OPCML: variants seen among roughly 807,000 people sequenced by gnomAD.
OPCML encodes opioid binding protein/cell adhesion molecule like, also known as opioid-binding protein/cell adhesion molecule.
A neutral mutation model predicts 37.8 loss-of-function variants in OPCML; 13 were observed. The ratio of observed to expected loss-of-function variants is 0.34; its 90% CI spans 0.22 to 0.55. OPCML has a LOEUF of 0.55. Among genes scored for constraint, OPCML ranks in the 20% least tolerant of loss-of-function variants. The pLI is 0.91. For synonymous variants in OPCML, 176 were observed against 168.8 expected (o/e 1.04, Z -0.33); for missense variants, 341 against 435.6 (o/e 0.78, Z 1.93).
chr11:132,808,271 T>C (rs530669402), intron 2 of OPCML, among the ~76,000 whole-genome samples: 3 of 152,190 alleles, frequency 2.0e-5, no homozygotes, highest in Middle Eastern at 3.4e-3. Flanking sequence ...TATAGCACGG[T>C]GGGAATGTAA....
chr11:133,241,776 G>T (rs542699396), intron 1 of OPCML, among the ~76,000 whole-genome samples: 1 of 152,162 alleles, frequency 6.6e-6, no homozygotes, highest in East Asian at 1.9e-4. Flanking sequence ...CATCTCCCAT[G>T]GTTCACCACC....
intron 1 of OPCML, among the ~76,000 whole-genome samples, chr11:133,195,064 C>T (rs893709775): frequency 6.6e-6 from 1 of 152,172 alleles, no homozygotes; most frequent in African/African-American, 2.4e-5. Flanking sequence ...TAAATCTGTG[C>T]AATTTTCTCC....
chr11:132,651,287 G>C (rs1033559941), intron 3 of OPCML, among the ~76,000 whole-genome samples: 10 of 152,132 alleles, frequency 6.6e-5, no homozygotes, highest in Non-Finnish European at 1.5e-5. Flanking sequence ...AGTGTAACTC[G>C]GACAAATCAC....
chr11:132,966,270 T>A (rs1946212486), intron 1 of OPCML, among the ~76,000 whole-genome samples: 1 of 152,156 alleles, frequency 6.6e-6, no homozygotes, highest in Non-Finnish European at 1.5e-5. Flanking sequence ...CTAATTACCC[T>A]TGTGATTGTT....
chr11:132,921,304 G>A (rs61909260), intron 2 of OPCML, among the ~76,000 whole-genome samples: 36,666 of 152,118 alleles, frequency 0.24, 7,385 homozygotes, highest in African/African-American at 0.55. Context: ...TGAATGCAAT[G>A]GACGTGCGTT....
At position 132,452,556 on chromosome 11, in the gene OPCML, T is replaced by C. The variant is rs971882959; in HGVS notation, c.506-15197A>G. Among the ~76,000 whole-genome samples, 41 of 146,804 alleles carry C rather than the reference T, an allele frequency of 2.8e-4. No homozygotes were observed. In the South Asian group the frequency reaches 9.1e-3, roughly 33 times the overall value. On this transcript the variant is annotated intron_variant, in intron 4 of 7. Coordinates refer to ENST00000524381, the MANE Select transcript of OPCML (RefSeq NM_001012393.5). The stretch of plus-strand genomic sequence containing the variant: ...GCCTGCCTGCCTGCCTGCCTTCCTT[T>C]TTTCCTTCCTTCCTGCCTGCCTTCC...
At chr11:132,661,503 G>T (rs571829462) in intron 2 of OPCML, among the ~76,000 whole-genome samples, 171 of 152,272 alleles carry the variant, frequency 1.1e-3, no homozygotes, top group Non-Finnish European at 2.2e-3. Flanking sequence ...TGGCTTGAGT[G>T]CTCTTCTAAA....
intron 1 of OPCML, among the ~76,000 whole-genome samples, chr11:133,099,974 G>C (rs775147233): frequency 7.9e-5 from 12 of 152,136 alleles, no homozygotes; most frequent in Non-Finnish European, 1.6e-4. Flanking sequence ...TATATACCAT[G>C]GAATACTATG....
At chr11:132,900,975 C>T (rs1319749481) in intron 2 of OPCML, among the ~76,000 whole-genome samples, 4 of 152,036 alleles carry the variant, frequency 2.6e-5, no homozygotes, top group African/African-American at 9.7e-5. Context: ...GGCAGGAGTT[C>T]GAGACCAGCC....
In OPCML at chr11:133,174,888, G is replaced by A. The variant is rs1186364161; in HGVS notation, c.62-231878C>T. Among the ~76,000 whole-genome samples, 1 of 152,154 alleles carries A rather than the reference G, an allele frequency of 6.6e-6. No individual in the cohort carries two copies. Among genetic ancestry groups the A allele is most frequent in the African/African-American group, 2.4e-5 (1 of 41,444 alleles). On this transcript the variant is annotated intron_variant, in intron 1 of 7. Coordinates refer to ENST00000524381, the MANE Select transcript of OPCML (RefSeq NM_001012393.5). This position sits in a 1 kb window ranked among gnomAD's most constrained non-coding sequence, Gnocchi z 4.6. The stretch of plus-strand genomic sequence containing the variant: ...AGGCCAAGGCAGGAGGATCACTTGA[G>A]ATCAGGAGTTTAAGTCCAGCCAGAG...
chr11:133,374,759 A>G (rs970867322), intron 1 of OPCML, among the ~76,000 whole-genome samples: 4 of 152,086 alleles, frequency 2.6e-5, no homozygotes, highest in African/African-American at 7.2e-5. Context: ...TATTCATCTA[A>G]TTCCCCATAT....
intron 1 of OPCML, among the ~76,000 whole-genome samples, chr11:133,339,050 C>T (rs1215219448): frequency 1.3e-5 from 2 of 152,204 alleles, no homozygotes; most frequent in Admixed American, 1.3e-4. Context: ...GTCACACCAG[C>T]ATCAGGATAC....
chr11:132,553,404 G>A (rs2096386919), intron 3 of OPCML, among the ~76,000 whole-genome samples: 1 of 152,094 alleles, frequency 6.6e-6, no homozygotes, highest in Non-Finnish European at 1.5e-5. Flanking sequence ...CAAAAGATTA[G>A]AAAAAGAAAG....
intron 4 of OPCML, among the ~76,000 whole-genome samples, chr11:132,466,377 A>G (rs934803159): frequency 1.1e-4 from 17 of 151,280 alleles, no homozygotes; most frequent in African/African-American, 3.9e-4. Context: ...CCAGCTACTC[A>G]GGAGGCTGAG....
intron 1 of OPCML, among the ~76,000 whole-genome samples, chr11:133,204,884 A>ATATGTGTGTATATATATATATATGTG (rs374646818): frequency 2.8e-5 from 1 of 36,286 alleles, no homozygotes; most frequent in Non-Finnish European, 7.5e-5. Flanking sequence ...ATATATATAT[A>ATATGTGTGTATATATATATATATGTG]TATATATATA....
At chr11:133,191,145 G>C (rs1165349038) in intron 1 of OPCML, among the ~76,000 whole-genome samples, 1 of 151,672 alleles carries the variant, frequency 6.6e-6, no homozygotes, top group Non-Finnish European at 1.5e-5. Flanking sequence ...ATGAATACTG[G>C]CTATTATCTG....
chr11:132,503,299 T>C (rs1183482312), intron 4 of OPCML, among the ~76,000 whole-genome samples: 11 of 152,306 alleles, frequency 7.2e-5, no homozygotes, highest in Admixed American at 7.2e-4. Flanking sequence ...GGTGCCATTA[T>C]TAGTACCTAG....
intron 2 of OPCML, among the ~76,000 whole-genome samples, chr11:132,701,336 G>A (rs1011748506): frequency 1.3e-5 from 2 of 152,248 alleles, no homozygotes; most frequent in African/African-American, 4.8e-5. Context: ...CTTGACACAT[G>A]GGACTTATTG....
chr11:132,821,431 A>C (rs1052325293), intron 2 of OPCML, among the ~76,000 whole-genome samples: 1 of 152,196 alleles, frequency 6.6e-6, no homozygotes, highest in African/African-American at 2.4e-5. Context: ...CTGAAAGACA[A>C]CCAGCTCCAT....
Sources: allele counts gnomAD v4.1 joint callset (sites outside exome capture counted in the v4.1 genomes callset), GRCh38; gene constraint gnomAD v4.1.1; non-coding constraint Gnocchi (gnomAD v3.1); transcripts MANE v1.5; gene names NCBI Gene and HGNC (gene_info 2026-07-23, HGNC 2026-07-21).